CNGA3: variants seen among roughly 807,000 people sequenced by gnomAD.
CNGA3 encodes the protein cyclic nucleotide-gated channel alpha-3.
CNGA3 carries 42 observed loss-of-function variants against 46.6 expected under a neutral mutation model. The observed-to-expected ratio is 0.90, with a 90% CI of 0.70 to 1.17. CNGA3 has a LOEUF of 1.17. Among genes scored for constraint, CNGA3 ranks in the 50% most tolerant of loss-of-function variants. The pLI, the probability that CNGA3 is intolerant of heterozygous loss-of-function variation, is 0.00. For missense variants in CNGA3, 893 were observed against 890.7 expected (o/e 1.00, Z -0.03); for synonymous variants, 394 against 369.4 (o/e 1.07, Z -0.76).
intron 7 of CNGA3, among the ~76,000 whole-genome samples, chr2:98,395,517 C>A (rs922217156): frequency 6.6e-6 from 1 of 152,048 alleles, no homozygotes; most frequent in African/African-American, 2.4e-5. Context: ...TTTAAAGGAT[C>A]CTTTTTTAAA....
rs577054652 is a variant in CNGA3, at chr2:98,398,598, A to C, written c.*1343A>C. On this transcript the variant is annotated 3_prime_UTR_variant, in exon 8 of 8. Transcript: ENST00000272602. ...GGAAAAATAAAGACCTGGATTTAAA[A>C]ATAGGAATGACTCTTGCTTCAGCTC... 1 of 152,210 alleles carries C rather than the reference A, an allele frequency of 6.6e-6. No individual in the cohort carries two copies. Among genetic ancestry groups the C allele is most frequent in the Non-Finnish European group, 1.5e-5 (1 of 68,034 alleles). The allele number at this position is 152,210 out of a possible 1,614,324, so 9.4% of individuals were successfully genotyped here.
intron 1 of CNGA3, among the ~76,000 whole-genome samples, chr2:98,358,038 C>G (rs1691926391): frequency 6.6e-6 from 1 of 152,228 alleles, no homozygotes. Flanking sequence ...TATGGAAGTG[C>G]CTCGCACCCA....
chr2:98,366,996 G>C (rs1692169257), intron 1 of CNGA3, among the ~76,000 whole-genome samples: 1 of 151,928 alleles, frequency 6.6e-6, no homozygotes, highest in Admixed American at 6.5e-5. Flanking sequence ...AGAATGAGAG[G>C]TCCCCTTGCC....
intron 1 of CNGA3, among the ~76,000 whole-genome samples, chr2:98,366,005 T>C (rs956199392): frequency 2.0e-5 from 3 of 152,244 alleles, no homozygotes; most frequent in Non-Finnish European, 4.4e-5. Context: ...TTCAGCATTT[T>C]TGGCAGATTC....
At chr2:98,378,098 G>GT in intron 3 of CNGA3, 6 of 1,550,928 alleles carry the variant, frequency 3.9e-6, no homozygotes, top group Non-Finnish European at 5.2e-6. Flanking sequence ...GGAGAAGGTG[G>GT]TAAGAGCAGC....
At chr2:98,394,125 C>G (rs762777782) in intron 7 of CNGA3, among the ~76,000 whole-genome samples, 5 of 152,008 alleles carry the variant, frequency 3.3e-5, no homozygotes, top group African/African-American at 1.2e-4. Context: ...TTCGCACAGC[C>G]CTCAGGGAAA....
intron 1 of CNGA3, among the ~76,000 whole-genome samples, chr2:98,349,237 T>C (rs1691718442): frequency 6.6e-6 from 1 of 151,782 alleles, no homozygotes; most frequent in African/African-American, 2.4e-5. Flanking sequence ...TGGGCTTTGG[T>C]GAGCACTGTC....
rs10172661 is a variant in CNGA3, at chr2:98,389,451, G to C, written c.450-207G>C. ...CCGTGACCTCCTGGGACTGAGCTGGGAGAGAAGGACCTCTGGAGTCTACCC... is the reference window on the plus strand; with the variant it reads ...CCGTGACCTCCTGGGACTGAGCTGGCAGAGAAGGACCTCTGGAGTCTACCC... On this transcript the variant is annotated intron_variant, in intron 5 of 7. Transcript: ENST00000272602. 5.9e-3 allele frequency among the ~76,000 whole-genome samples: 905 copies of C among 152,308 alleles called. 9 individuals are homozygous for C. The highest frequency in any genetic ancestry group is 0.031 in the Middle Eastern group (9 of 294).
chr2:98,390,340 T>C (rs1270273412), intron 6 of CNGA3, among the ~76,000 whole-genome samples: 1 of 151,712 alleles, frequency 6.6e-6, no homozygotes, highest in African/African-American at 2.4e-5. Context: ...GTAGAGACAG[T>C]GTTTCACCAT....
intron 1 of CNGA3, among the ~76,000 whole-genome samples, chr2:98,361,022 T>G (rs1349955267): frequency 8.8e-6 from 1 of 113,610 alleles, no homozygotes; most frequent in African/African-American, 3.0e-5. Context: ...TTTTATTTTA[T>G]TTATTTTATT....
At chr2:98,384,097 G>A (rs1692599693) in intron 5 of CNGA3, among the ~76,000 whole-genome samples, 1 of 152,044 alleles carries the variant, frequency 6.6e-6, no homozygotes, top group Non-Finnish European at 1.5e-5. Context: ...CACCGTGTTA[G>A]CCAGGATGGT....
At chr2:98,395,390 A>C (rs1269735247) in intron 7 of CNGA3, among the ~76,000 whole-genome samples, 2 of 152,142 alleles carry the variant, frequency 1.3e-5, no homozygotes, top group Non-Finnish European at 2.9e-5. Flanking sequence ...GGCTGGTCTC[A>C]AACCCTTGAC....
intron 5 of CNGA3, among the ~76,000 whole-genome samples, chr2:98,385,365 A>AT (rs1692629931): frequency 6.6e-6 from 1 of 152,206 alleles, no homozygotes; most frequent in Non-Finnish European, 1.5e-5. Flanking sequence ...TCATTTAATG[A>AT]TTTTAATAAC....
intron 5 of CNGA3, among the ~76,000 whole-genome samples, chr2:98,386,279 A>C (rs1692651911): frequency 6.6e-6 from 1 of 152,206 alleles, no homozygotes; most frequent in Non-Finnish European, 1.5e-5. Context: ...AAGGTCCTTG[A>C]GATAGGTAAT....
chr2:98,392,861 C>T (rs1247057526), intron 7 of CNGA3, among the ~76,000 whole-genome samples: 2 of 152,168 alleles, frequency 1.3e-5, no homozygotes, highest in Non-Finnish European at 2.9e-5. Flanking sequence ...GGATACTCAC[C>T]CCTTCACATT....
intron 2 of CNGA3, among the ~76,000 whole-genome samples, chr2:98,371,996 G>A (rs1322596589): frequency 6.6e-6 from 1 of 152,232 alleles, no homozygotes; most frequent in East Asian, 1.9e-4. Context: ...CAACTTGCCT[G>A]GAGTGGGGCA....
At chr2:98,386,079 A>C (rs1692647269) in intron 5 of CNGA3, among the ~76,000 whole-genome samples, 1 of 152,170 alleles carries the variant, frequency 6.6e-6, no homozygotes, top group Non-Finnish European at 1.5e-5. Context: ...GGTGGGAGTG[A>C]AGACTGAATG....
At position 98,396,646 on chromosome 2, in the gene CNGA3, G is replaced by T; in HGVS notation, c.1476G>T (p.Val492=). The T allele has an allele frequency of 6.2e-7, 1 of 1,614,142 alleles. No homozygotes were observed. The stretch of plus-strand genomic sequence containing the variant: ...AGGACTGTGAGGCAGGGCTGCTGGT[G>T]GAGCTGGTGCTGAAGCTGCGACCCA... The part of the protein sequence containing the change: ...IFQDCEAGLL[V]ELVLKLRPTV... The change falls in exon 8 of 8, where the codon GTG becomes GTT. Residue 492 remains valine, a synonymous_variant. Transcript: ENST00000272602.
chr2:98,378,181 T>C (rs200754738), intron 3 of CNGA3: 45 of 1,550,418 alleles, frequency 2.9e-5, no homozygotes, highest in Non-Finnish European at 3.9e-5. Flanking sequence ...CTGAAATGGC[T>C]CTGGCAGGGT....
Sources: gnomAD v4.1 joint callset for allele counts (sites outside exome capture counted in the v4.1 genomes callset) on GRCh38, gnomAD v4.1.1 for gene constraint, MANE v1.5 for transcripts, NCBI Gene and HGNC (gene_info 2026-07-23, HGNC 2026-07-21) for gene names.